Variants in WDR49 observed in about 807,000 individuals in gnomAD.
WDR49 encodes the protein WD repeat domain 49.
In WDR49, 107 loss-of-function variants were observed where a neutral mutation model predicts 119.5. That is an observed-to-expected ratio of 0.90 (90% CI 0.77 to 1.05). The LOEUF is 1.05. Ranked by LOEUF, WDR49 falls within the 50% of genes least tolerant of loss-of-function variation. The pLI is 0.00. For synonymous variants in WDR49, 425 were observed against 418.8 expected (o/e 1.01, Z -0.18); for missense variants, 1,240 against 1,220.5 (o/e 1.02, Z -0.24).
chr3:167,640,418 C>T (rs1717825328), intron 2 of WDR49, among the ~76,000 whole-genome samples: 1 of 151,904 alleles, frequency 6.6e-6, no homozygotes, highest in Non-Finnish European at 1.5e-5. Flanking sequence ...CAACTTGAAA[C>T]AATCATGTTC....
intron 16 of WDR49, among the ~76,000 whole-genome samples, chr3:167,516,361 G>C (rs571210735): frequency 5.4e-5 from 8 of 148,908 alleles, no homozygotes; most frequent in African/African-American, 2.0e-4. Context: ...TTGGTTTTTT[G>C]TCCTTGCAAT....
intron 15 of WDR49, among the ~76,000 whole-genome samples, chr3:167,523,277 C>G (rs1414667246): frequency 6.6e-6 from 1 of 151,956 alleles, no homozygotes; most frequent in African/African-American, 2.4e-5. Context: ...AAATAAAACT[C>G]ACCCTCAGTT....
At chr3:167,630,379 C>T (rs1717319576) in intron 2 of WDR49, among the ~76,000 whole-genome samples, 1 of 151,966 alleles carries the variant, frequency 6.6e-6, no homozygotes, top group African/African-American at 2.4e-5. Context: ...CATTTAATAC[C>T]CTACAGTATA....
chr3:167,525,561 G>A (rs570599728), intron 15 of WDR49, among the ~76,000 whole-genome samples: 1 of 152,182 alleles, frequency 6.6e-6, no homozygotes, highest in South Asian at 2.1e-4. Flanking sequence ...AATCAGATGA[G>A]GAGAGTTGCC....
At chr3:167,598,899 C>T (rs1715626675) in intron 7 of WDR49, among the ~76,000 whole-genome samples, 1 of 152,120 alleles carries the variant, frequency 6.6e-6, no homozygotes, top group Admixed American at 6.6e-5. Flanking sequence ...ACTAGACAGG[C>T]TCTTATTCTC....
At chr3:167,624,950 G>A (rs1484423702) in intron 3 of WDR49, among the ~76,000 whole-genome samples, 1 of 152,028 alleles carries the variant, frequency 6.6e-6, no homozygotes, top group Non-Finnish European at 1.5e-5. Flanking sequence ...ACAAATCTTG[G>A]CAACCCTGAT....
chr3:167,650,677 T>G (rs1226299902), intron 2 of WDR49, among the ~76,000 whole-genome samples: 1 of 152,226 alleles, frequency 6.6e-6, no homozygotes, highest in Non-Finnish European at 1.5e-5. Flanking sequence ...ACTTGAAGTT[T>G]AATTTCCTTT....
chr3:167,604,008 C>T (rs1715910006), intron 6 of WDR49, among the ~76,000 whole-genome samples: 3 of 151,940 alleles, frequency 2.0e-5, no homozygotes, highest in South Asian at 2.1e-4. Flanking sequence ...ATGGCAGATG[C>T]TGCACAAACT....
chr3:167,563,353 C>CAAAAAAA (rs61247447), intron 8 of WDR49, among the ~76,000 whole-genome samples: 22 of 55,858 alleles, frequency 3.9e-4, no homozygotes, highest in East Asian at 1.2e-3. Context: ...GATTCTGAAT[C>CAAAAAAA]AAAAAAAAAA....
At chr3:167,532,551 C>T (rs758052026) in intron 12 of WDR49, among the ~76,000 whole-genome samples, 3 of 151,928 alleles carry the variant, frequency 2.0e-5, no homozygotes, top group Non-Finnish European at 4.4e-5. Flanking sequence ...CAAAGGGTAT[C>T]TAACGTTCAC....
intron 7 of WDR49, among the ~76,000 whole-genome samples, chr3:167,595,253 T>G (rs1294818806): frequency 6.6e-6 from 1 of 152,204 alleles, no homozygotes; most frequent in East Asian, 1.9e-4. Context: ...TCCACGCTCA[T>G]GGGTAGGAAG....
chr3:167,602,356 A>C, intron 6 of WDR49, 81 bp from the exon 7 acceptor site: 1 of 1,266,658 alleles, frequency 7.9e-7, no homozygotes, highest in Non-Finnish European at 1.1e-6. Flanking sequence ...TGAGTTTACC[A>C]TATAACTCTA....
intron 7 of WDR49, among the ~76,000 whole-genome samples, chr3:167,598,480 T>C (rs1252036155): frequency 6.6e-6 from 1 of 152,148 alleles, no homozygotes; most frequent in African/African-American, 2.4e-5. Context: ...TTCCTCATGC[T>C]GTTCTCATGA....
chr3:167,609,397 G>A (rs773279395), intron 5 of WDR49, among the ~76,000 whole-genome samples: 21 of 152,134 alleles, frequency 1.4e-4, no homozygotes, highest in Admixed American at 2.6e-4. Context: ...CTGGGGGAGA[G>A]AGAGCAGAGC....
chr3:167,543,531 A>C (rs896001719), intron 10 of WDR49, among the ~76,000 whole-genome samples: 1 of 152,066 alleles, frequency 6.6e-6, no homozygotes, highest in African/African-American at 2.4e-5. Flanking sequence ...CAGAATTAAA[A>C]ATAAATATCA....
At chr3:167,590,883 A>G (rs760417512) in intron 7 of WDR49, among the ~76,000 whole-genome samples, 1 of 151,582 alleles carries the variant, frequency 6.6e-6, no homozygotes, top group Non-Finnish European at 1.5e-5. Context: ...CCAACTTTTC[A>G]TTTCATTGAT....
At chr3:167,534,721 C>T (rs1229058991) in intron 11 of WDR49, among the ~76,000 whole-genome samples, 2 of 152,138 alleles carry the variant, frequency 1.3e-5, no homozygotes, top group African/African-American at 4.8e-5. Flanking sequence ...TGCAATCTGT[C>T]TCTATAAATT....
chr3:167,592,189 A>C (rs1715150276), intron 7 of WDR49, among the ~76,000 whole-genome samples: 1 of 152,184 alleles, frequency 6.6e-6, no homozygotes, highest in African/African-American at 2.4e-5. Flanking sequence ...AAAACTAATA[A>C]AGACCCTATA....
At chr3:167,615,149 A>C (rs1022681303) in intron 5 of WDR49, among the ~76,000 whole-genome samples, 1 of 152,210 alleles carries the variant, frequency 6.6e-6, no homozygotes, top group Admixed American at 6.5e-5. Flanking sequence ...TTCATTGGTT[A>C]TGACTGAAGT....
Sources: allele counts gnomAD v4.1 joint callset (sites outside exome capture counted in the v4.1 genomes callset), GRCh38; gene constraint gnomAD v4.1.1; transcripts MANE v1.5; gene names NCBI Gene and HGNC (gene_info 2026-07-23, HGNC 2026-07-21).